Variants in ACCSL observed in about 807,000 individuals in gnomAD.
ACCSL encodes the protein probable inactive 1-aminocyclopropane-1-carboxylate synthase-like protein 2.
Under a neutral mutation model 61.7 loss-of-function variants are expected in ACCSL, and 55 were observed. The ratio of observed to expected loss-of-function variants is 0.89; its 90% CI spans 0.72 to 1.12. The LOEUF is 1.12. ACCSL is among the 50% of genes most tolerant of loss of function. The pLI is 0.00. For missense variants in ACCSL, 632 were observed against 698.0 expected, an observed-to-expected ratio of 0.91 and a Z score of 1.07; for synonymous variants, 258 against 264.3, an observed-to-expected ratio of 0.98 and a Z score of 0.23.
the ACCSL span, among the ~76,000 whole-genome samples, chr11:44,004,509 T>A: frequency 6.6e-6 from 1 of 152,014 alleles, no homozygotes; most frequent in Non-Finnish European, 1.5e-5. Context: ...TCTGGTCCCC[T>A]CCCCATAAAA....
At chr11:44,001,529 C>T in the ACCSL span, among the ~76,000 whole-genome samples, 1 of 151,982 alleles carries the variant, frequency 6.6e-6, no homozygotes, top group South Asian at 2.1e-4. Flanking sequence ...GATCGGGAGT[C>T]AGGTGCCTCC....
At chr11:43,936,278 T>C in the ACCSL span, among the ~76,000 whole-genome samples, 1 of 152,080 alleles carries the variant, frequency 6.6e-6, no homozygotes, top group Admixed American at 6.6e-5. Context: ...GGCAGGAGGG[T>C]ATAAGCCACC....
the ACCSL span, among the ~76,000 whole-genome samples, chr11:43,984,111 C>A: frequency 6.6e-6 from 1 of 151,234 alleles, no homozygotes; most frequent in Admixed American, 6.6e-5. Context: ...AGCGAGACTC[C>A]ATATAAAAGA....
chr11:44,050,464 G>T, intron 2 of ACCSL, 88 bp from the exon 3 acceptor site: 1 of 1,160,342 alleles, frequency 8.6e-7, no homozygotes, highest in Non-Finnish European at 1.3e-6. Flanking sequence ...TGTATGTGGA[G>T]GGCAAACACT....
chr11:44,036,106 C>A, the ACCSL span, among the ~76,000 whole-genome samples: 739 of 152,300 alleles, frequency 4.9e-3, 12 homozygotes, highest in African/African-American at 0.017. Context: ...AGGGGGCAAC[C>A]AGGTAGCAAC....
At chr11:43,976,605 C>T in the ACCSL span, among the ~76,000 whole-genome samples, 1 of 152,124 alleles carries the variant, frequency 6.6e-6, no homozygotes, top group African/African-American at 2.4e-5. Flanking sequence ...AGCAGTGATC[C>T]AGAGTTCCAG....
At chr11:44,046,958 A>G (rs1384135196), upstream of ACCSL, among the ~76,000 whole-genome samples, 1 of 152,166 alleles carries the variant, frequency 6.6e-6, no homozygotes. Context: ...AGTTTGTTGC[A>G]GTAAGCCATA....
the ACCSL span, among the ~76,000 whole-genome samples, chr11:44,019,542 A>G: frequency 6.6e-6 from 1 of 152,100 alleles, no homozygotes; most frequent in Non-Finnish European, 1.5e-5. Context: ...ACATTTGTAT[A>G]TATTATTTGG....
the ACCSL span, among the ~76,000 whole-genome samples, chr11:44,026,856 A>C: frequency 6.6e-6 from 1 of 151,808 alleles, no homozygotes; most frequent in African/African-American, 2.4e-5. Flanking sequence ...CAGCCTCCCG[A>C]GTAGTTGGAA....
the ACCSL span, among the ~76,000 whole-genome samples, chr11:43,990,412 T>A: frequency 2.2e-3 from 341 of 152,250 alleles, 2 homozygotes; most frequent in African/African-American, 7.2e-3. Context: ...GATGGTGCCT[T>A]CTTACCGTTT....
chr11:43,959,875 C>T, the ACCSL span, among the ~76,000 whole-genome samples: 1 of 152,142 alleles, frequency 6.6e-6, no homozygotes, highest in South Asian at 2.1e-4. Flanking sequence ...GTCCCAGAAG[C>T]TCTGGGCTGG....
At chr11:43,992,478 C>T in the ACCSL span, among the ~76,000 whole-genome samples, 1 of 152,236 alleles carries the variant, frequency 6.6e-6, no homozygotes, top group African/African-American at 2.4e-5. Flanking sequence ...TACATACCTT[C>T]CCATAGTATA....
At chr11:44,020,646 A>G in the ACCSL span, among the ~76,000 whole-genome samples, 2 of 151,992 alleles carry the variant, frequency 1.3e-5, no homozygotes, top group Non-Finnish European at 1.5e-5. Context: ...TTTAATTTCA[A>G]TAGTTTTTGG....
the ACCSL span, among the ~76,000 whole-genome samples, chr11:43,955,805 C>G: frequency 1.3e-5 from 2 of 151,886 alleles, no homozygotes; most frequent in Admixed American, 1.3e-4. Context: ...TATGTCTACA[C>G]CTTAGCACAA....
At chr11:44,006,444 C>T in the ACCSL span, among the ~76,000 whole-genome samples, 13,491 of 151,366 alleles carry the variant, frequency 0.089, 694 homozygotes, top group African/African-American at 0.14. Context: ...GGGTAAGGTA[C>T]CCAACTTCTG....
rs769330956 is a variant in ACCSL, at chr11:44,048,357, T to C, written c.321T>C (p.Tyr107=). 3.6e-5 allele frequency: 58 copies of C among 1,614,008 alleles called. No homozygotes were observed. The Middle Eastern group carries it at 8.2e-4, about 23-fold the overall frequency. The change falls in exon 1 of 14, where the codon TAT becomes TAC. Residue 107 remains tyrosine, a synonymous_variant. Coordinates refer to ENST00000378832, the MANE Select transcript of ACCSL (RefSeq NM_001031854.2). Reference sequence around the variant, plus strand: ...AGGACTCTAGGGGTGATGTCAGATATGGGCAGAGGGCCCAACTCTCTGGGC... The same window carrying C: ...AGGACTCTAGGGGTGATGTCAGATACGGGCAGAGGGCCCAACTCTCTGGGC... ...PSEDSRGDVR[Y]GQRAQLSGQP...
chr11:43,931,741 T>C, the ACCSL span, among the ~76,000 whole-genome samples: 1 of 152,218 alleles, frequency 6.6e-6, no homozygotes, highest in African/African-American at 2.4e-5. Flanking sequence ...TTCATGCCTT[T>C]AAATCTCGTC....
chr11:44,015,482 A>G, the ACCSL span, among the ~76,000 whole-genome samples: 2 of 152,178 alleles, frequency 1.3e-5, no homozygotes, highest in Non-Finnish European at 2.9e-5. Flanking sequence ...TCGTGTAGGC[A>G]TCATATAGAC....
intron 11 of ACCSL, among the ~76,000 whole-genome samples, chr11:44,056,705 G>A (rs1366259767): frequency 6.6e-6 from 1 of 152,138 alleles, no homozygotes; most frequent in Non-Finnish European, 1.5e-5. Flanking sequence ...GCTGGCAAAC[G>A]CCTGTAATCC....
Sources: gnomAD v4.1 joint callset for allele counts (sites outside exome capture counted in the v4.1 genomes callset) on GRCh38, gnomAD v4.1.1 for gene constraint, MANE v1.5 for transcripts, NCBI Gene and HGNC (gene_info 2026-07-23, HGNC 2026-07-21) for gene names.